The following UVRAG variants were observed in gnomAD, a reference collection of about 807,000 sequenced individuals.
UVRAG encodes the protein UV radiation resistance-associated gene protein.
In UVRAG, 19 loss-of-function variants were observed where a neutral mutation model predicts 78.0. That is an observed-to-expected ratio of 0.24 (90% CI 0.17 to 0.36). UVRAG has a LOEUF of 0.36. UVRAG is among the 10% of genes least tolerant of loss of function. The probability of loss-of-function intolerance (pLI) is 1.00; values close to 1 mark genes in which losing one functional copy is unlikely to be tolerated. For missense variants in UVRAG, 740 were observed against 853.8 expected (o/e 0.87, Z 1.66); for synonymous variants, 323 against 324.6 (o/e 1.00, Z 0.05).
intron 3 of UVRAG, among the ~76,000 whole-genome samples, chr11:75,864,845 C>T (rs928947767): frequency 1.3e-5 from 2 of 152,200 alleles, no homozygotes; most frequent in Non-Finnish European, 2.9e-5. Flanking sequence ...CTAAGTTGGA[C>T]TTTGATAAGC....
chr11:76,090,303 G>A (rs1223834014), intron 13 of UVRAG, among the ~76,000 whole-genome samples: 1 of 152,176 alleles, frequency 6.6e-6, no homozygotes, highest in African/African-American at 2.4e-5. Context: ...AGTGAGCATG[G>A]TGTGCAGACT....
chr11:76,123,153 C>G (rs189806322), intron 14 of UVRAG, among the ~76,000 whole-genome samples: 168 of 152,316 alleles, frequency 1.1e-3, no homozygotes, highest in African/African-American at 3.8e-3. Context: ...CCCTGCCCTC[C>G]TGTCTCTGTG....
intron 6 of UVRAG, among the ~76,000 whole-genome samples, chr11:75,939,882 C>T (rs967467313): frequency 6.6e-6 from 1 of 152,174 alleles, no homozygotes; most frequent in African/African-American, 2.4e-5. Context: ...TGCAACAAAA[C>T]TGCCAATACA....
At chr11:76,138,837 C>T (rs1952646621) in intron 14 of UVRAG, among the ~76,000 whole-genome samples, 1 of 152,202 alleles carries the variant, frequency 6.6e-6, no homozygotes, top group Non-Finnish European at 1.5e-5. Flanking sequence ...CTGATGTTCT[C>T]TTTTGGTTTG....
intron 9 of UVRAG, among the ~76,000 whole-genome samples, chr11:76,004,982 T>C (rs1168896490): frequency 2.0e-5 from 3 of 152,212 alleles, no homozygotes; most frequent in Admixed American, 2.0e-4. Flanking sequence ...TCATCTTCAC[T>C]TGCTTTTCCT....
At chr11:75,894,006 G>A (rs1194560175) in intron 5 of UVRAG, among the ~76,000 whole-genome samples, 1 of 152,170 alleles carries the variant, frequency 6.6e-6, no homozygotes, top group Non-Finnish European at 1.5e-5. Flanking sequence ...TACCCATGCT[G>A]AATGATGCAC....
At chr11:76,073,847 A>G (rs1409342356) in intron 13 of UVRAG, among the ~76,000 whole-genome samples, 1 of 151,904 alleles carries the variant, frequency 6.6e-6, no homozygotes, top group African/African-American at 2.4e-5. Context: ...CACTTAAAAT[A>G]CTCCTTTCTT....
intron 12 of UVRAG, among the ~76,000 whole-genome samples, chr11:76,022,809 C>G (rs78249946): frequency 0.016 from 2,392 of 152,220 alleles, 65 homozygotes; most frequent in African/African-American, 0.054. Flanking sequence ...TATTTGTTTT[C>G]TGTATGTCTT....
intron 6 of UVRAG, among the ~76,000 whole-genome samples, chr11:75,938,284 TA>T (rs750621006): frequency 2.6e-5 from 4 of 152,148 alleles, no homozygotes; most frequent in Non-Finnish European, 4.4e-5. Context: ...ATAGTTGTAA[TA>T]ACTGTTTTAA....
At chr11:75,841,946 C>G (rs958968699) in intron 1 of UVRAG, among the ~76,000 whole-genome samples, 1 of 152,114 alleles carries the variant, frequency 6.6e-6, no homozygotes, top group African/African-American at 2.4e-5. Context: ...AACAACTTGT[C>G]TCTGCTTATT....
intron 12 of UVRAG, among the ~76,000 whole-genome samples, chr11:76,041,198 T>C (rs979237793): frequency 2.8e-5 from 4 of 145,438 alleles, no homozygotes; most frequent in African/African-American, 1.1e-4. Context: ...AATATTATGG[T>C]CTGATGGATT....
chr11:75,978,370 A>G (rs143072596), intron 7 of UVRAG, among the ~76,000 whole-genome samples: 1,561 of 152,174 alleles, frequency 0.01, 27 homozygotes, highest in African/African-American at 0.036. Context: ...CTCGAGGAGT[A>G]TCTTTGTGGT....
chr11:76,125,417 A>G (rs955581537), intron 14 of UVRAG, among the ~76,000 whole-genome samples: 9 of 152,224 alleles, frequency 5.9e-5, no homozygotes, highest in African/African-American at 1.7e-4. Flanking sequence ...AAAAGACCTT[A>G]GGGGACCAGG....
chr11:75,940,109 C>T (rs1237760800), intron 6 of UVRAG, among the ~76,000 whole-genome samples: 2 of 152,146 alleles, frequency 1.3e-5, no homozygotes, highest in Admixed American at 1.3e-4. Context: ...CTAAATGTAG[C>T]AGGCAAATGG....
intron 1 of UVRAG, among the ~76,000 whole-genome samples, chr11:75,832,566 A>G (rs543156016): frequency 3.3e-5 from 5 of 152,302 alleles, no homozygotes; most frequent in East Asian, 3.9e-4. Context: ...TAGCACTTCA[A>G]TGTATCCACC....
chr11:76,077,799 C>G (rs1951430079), intron 13 of UVRAG, among the ~76,000 whole-genome samples: 1 of 152,188 alleles, frequency 6.6e-6, no homozygotes, highest in Non-Finnish European at 1.5e-5. Flanking sequence ...AAACATCTTA[C>G]ATAACAGGCT....
chr11:75,927,080 T>TG (rs1948123875), intron 6 of UVRAG, among the ~76,000 whole-genome samples: 1 of 151,684 alleles, frequency 6.6e-6, no homozygotes, highest in Non-Finnish European at 1.5e-5. Flanking sequence ...ATTTTTTTTT[T>TG]TTTTTTTGAG....
At chr11:75,987,078 A>G (rs1949514393) in intron 8 of UVRAG, among the ~76,000 whole-genome samples, 1 of 152,192 alleles carries the variant, frequency 6.6e-6, no homozygotes, top group African/African-American at 2.4e-5. Flanking sequence ...TTCATATACA[A>G]CTTTTTGTAG....
intron 12 of UVRAG, among the ~76,000 whole-genome samples, chr11:76,019,171 T>C (rs1174444746): frequency 1.3e-5 from 2 of 152,256 alleles, no homozygotes; most frequent in African/African-American, 4.8e-5. Context: ...ACCTCTAGAA[T>C]ATCCACTTGA....
Sources: allele counts gnomAD v4.1 joint callset (sites outside exome capture counted in the v4.1 genomes callset), GRCh38; gene constraint gnomAD v4.1.1; transcripts MANE v1.5; gene names NCBI Gene and HGNC (gene_info 2026-07-23, HGNC 2026-07-21).